The following FOXK1 variants were observed in gnomAD, a reference collection of about 807,000 sequenced individuals.
FOXK1 encodes the protein forkhead box protein K1.
FOXK1 carries 19 observed loss-of-function variants against 51.9 expected under a neutral mutation model. The ratio of observed to expected loss-of-function variants is 0.37; its 90% confidence interval spans 0.26 to 0.54. FOXK1 has a LOEUF of 0.54. Among genes scored for constraint, FOXK1 ranks in the 20% least tolerant of loss-of-function variants. The probability of loss-of-function intolerance (pLI) is 0.87; values close to 1 mark genes in which losing one functional copy is unlikely to be tolerated. For missense variants in FOXK1, 870 were observed against 1,032.7 expected (o/e 0.84, Z 2.16); for synonymous variants, 537 against 482.6 (o/e 1.11, Z -1.48).
chr7:4,688,464 T>G (rs1779848788), intron 1 of FOXK1, among the ~76,000 whole-genome samples: 2 of 151,838 alleles, frequency 1.3e-5, no homozygotes, highest in African/African-American at 2.4e-5. Context: ...GCAGTGGCAC[T>G]ATCTTGGCTC....
rs886286216 is a variant in FOXK1, at chr7:4,762,233, G to A, written c.1971G>A (p.Ala657=). The change falls in exon 9 of 9, where the codon GCG becomes GCA. Residue 657 remains alanine, a synonymous_variant. Transcript: ENST00000328914. The surrounding 1 kb of genome is among the most constrained non-coding windows in gnomAD (Gnocchi z 5.7). ...QLLATQASSS[A]PVVVTRVCEV... is the part of the protein sequence containing the mutation. ...TTGCGACCCAAGCGAGTTCATCCGC[G>A]CCGGTGGTGGTCACCCGGGTGTGCG... is the stretch of plus-strand genomic sequence containing the variant. 11 of 1,554,060 alleles carry A rather than the reference G, an allele frequency of 7.1e-6. No individual in the cohort carries two copies. In the East Asian group the frequency reaches 7.3e-5, roughly 10 times the overall value.
In FOXK1 at chr7:4,731,758, C is replaced by CAA. The variant is rs374959543; in HGVS notation, c.561-9062_561-9061dup. On this transcript the variant is annotated intron_variant, in intron 1 of 8. Coordinates refer to ENST00000328914, the MANE Select transcript of FOXK1 (RefSeq NM_001037165.2). This position sits in a 1 kb window ranked among gnomAD's most constrained non-coding sequence, Gnocchi z 5.3. ...TGGGCAACAAAGCGAAACTCTGCCTCAAAAAAAAAAAAAAAAAAAGAAAAC... is the reference window on the plus strand; with the variant it reads ...TGGGCAACAAAGCGAAACTCTGCCTCAAAAAAAAAAAAAAAAAAAAAGAAAAC... Among the ~76,000 whole-genome samples the CAA allele has an allele frequency of 5.8e-5, 4 of 68,640 alleles. No homozygotes were observed. Among genetic ancestry groups the CAA allele is most frequent in the Admixed American group, 1.4e-4 (1 of 7,124 alleles). 45.0% of individuals were successfully genotyped at this position (68,640 alleles called of 152,430 possible).
In FOXK1 at chr7:4,707,201, A is replaced by G. The variant is rs1365573323; in HGVS notation, c.560+24333A>G. On this transcript the variant is annotated intron_variant, in intron 1 of 8. Coordinates refer to ENST00000328914, the MANE Select transcript of FOXK1 (RefSeq NM_001037165.2). The surrounding 1 kb of genome is among the most constrained non-coding windows in gnomAD (Gnocchi z 4.1). ...CGGTGGACACAGACATTGCCCAAACACTAACGGAGAGGGAAGAGGTGCGGG... is the reference window on the plus strand; with the variant it reads ...CGGTGGACACAGACATTGCCCAAACGCTAACGGAGAGGGAAGAGGTGCGGG... Among the ~76,000 whole-genome samples the G allele has an allele frequency of 6.6e-6, 1 of 151,946 alleles. No individual in the cohort carries two copies. The highest frequency in any genetic ancestry group is 1.5e-5 in the Non-Finnish European group (1 of 67,996).
At chr7:4,737,552 C>CTGTGTGTGTGTGTG (rs146678822) in intron 1 of FOXK1, among the ~76,000 whole-genome samples, 71 of 148,874 alleles carry the variant, frequency 4.8e-4, no homozygotes, top group African/African-American at 1.7e-3. Context: ...GTGTGCGTGC[C>CTGTGTGTGTGTGTG]TGTGTGTGTG....
Position 4,749,060 on chromosome 7 carries a change from TTC to T in FOXK1, c.747-5391_747-5390del, listed in dbSNP as rs1330414799. Among the ~76,000 whole-genome samples, 1 of 152,188 alleles carries T rather than the reference TTC, an allele frequency of 6.6e-6. No homozygotes were observed. Among genetic ancestry groups the T allele is most frequent in the Non-Finnish European group, 1.5e-5 (1 of 68,016 alleles). ...GAGTCTCTCATGCCTCTCCTTTCCTTTCTCTCTCTACTTTCTGAGGGATTTTC... is the reference window on the plus strand; with the variant it reads ...GAGTCTCTCATGCCTCTCCTTTCCTTTCTCTCTACTTTCTGAGGGATTTTC... On this transcript the variant is annotated intron_variant, in intron 2 of 8. Coordinates refer to ENST00000328914, the MANE Select transcript of FOXK1 (RefSeq NM_001037165.2). The surrounding 1 kb of genome is among the most constrained non-coding windows in gnomAD (Gnocchi z 6.0).
chr7:4,716,747 T>G (rs1031705664), intron 1 of FOXK1, among the ~76,000 whole-genome samples: 3 of 152,220 alleles, frequency 2.0e-5, no homozygotes, highest in Non-Finnish European at 2.9e-5. Flanking sequence ...TGAGAGGGGC[T>G]GTGGGTGTCT....
intron 1 of FOXK1, among the ~76,000 whole-genome samples, chr7:4,705,991 T>TACGTATATAC (rs1780090908): frequency 4.0e-5 from 4 of 100,530 alleles, no homozygotes; most frequent in Admixed American, 1.8e-4. Flanking sequence ...TACGTATATA[T>TACGTATATAC]ACGTATATAT....
intron 2 of FOXK1, among the ~76,000 whole-genome samples, chr7:4,751,342 G>T (rs1336293277): frequency 6.6e-6 from 1 of 152,090 alleles, no homozygotes; most frequent in African/African-American, 2.4e-5. Flanking sequence ...ACCGTGCCCG[G>T]CCCAGCATTT....
At chr7:4,685,223 T>C (rs1168241850) in intron 1 of FOXK1, among the ~76,000 whole-genome samples, 1 of 27,004 alleles carries the variant, frequency 3.7e-5, no homozygotes. Context: ...GCTATTTGCT[T>C]TTTTTTTTTT....
In FOXK1 at chr7:4,707,049, C is replaced by CT. The variant is rs1475303131; in HGVS notation, c.560+24182dup. On this transcript the variant is annotated intron_variant, in intron 1 of 8. Transcript: ENST00000328914. This position sits in a 1 kb window ranked among gnomAD's most constrained non-coding sequence, Gnocchi z 4.1. Reference sequence around the variant, plus strand: ...TGCATTTTCTTCTTAAAATAAAAGACTAAAAACTAACGGTTGCTTCCTGCC... The same window carrying CT: ...TGCATTTTCTTCTTAAAATAAAAGACTTAAAAACTAACGGTTGCTTCCTGCC... Among the ~76,000 whole-genome samples, 2 of 152,244 alleles carry CT rather than the reference C, an allele frequency of 1.3e-5. No homozygotes were observed. Among genetic ancestry groups the CT allele is most frequent in the Non-Finnish European group, 2.9e-5 (2 of 68,040 alleles).
chr7:4,746,603 G>A (rs878875383), intron 2 of FOXK1, among the ~76,000 whole-genome samples: 3 of 152,196 alleles, frequency 2.0e-5, no homozygotes, highest in South Asian at 2.1e-4. Flanking sequence ...CAGGAGGATC[G>A]CTTGAGCCCA....
Position 4,753,413 on chromosome 7 carries a change from A to G in FOXK1, c.747-1046A>G, listed in dbSNP as rs927565979. On this transcript the variant is annotated intron_variant, in intron 2 of 8. Coordinates refer to ENST00000328914, the MANE Select transcript of FOXK1 (RefSeq NM_001037165.2). The surrounding 1 kb of genome is among the most constrained non-coding windows in gnomAD (Gnocchi z 4.9). ...GAATGGACCTTCTGGATGGTTCTGGATGGTTCTGGGTGGTTCTGGATGGTT... is the reference window on the plus strand; with the variant it reads ...GAATGGACCTTCTGGATGGTTCTGGGTGGTTCTGGGTGGTTCTGGATGGTT... Among the ~76,000 whole-genome samples the G allele has an allele frequency of 3.3e-5, 5 of 151,720 alleles. No individual in the cohort carries two copies. Among genetic ancestry groups the G allele is most frequent in the African/African-American group, 9.7e-5 (4 of 41,212 alleles).
rs957868998 is a variant in FOXK1, at chr7:4,734,226, G to A, written c.561-6612G>A. Among the ~76,000 whole-genome samples the A allele has an allele frequency of 3.9e-5, 6 of 152,206 alleles. No homozygotes were observed. The highest frequency in any genetic ancestry group is 1.2e-4 in the African/African-American group (5 of 41,452). ...GTGTGGGGTGACTCTATCTCAAGCC[G>A]TAGGCCTCCCAGACAGAGCCTCTGA... On this transcript the variant is annotated intron_variant, in intron 1 of 8. Coordinates refer to ENST00000328914, the MANE Select transcript of FOXK1 (RefSeq NM_001037165.2). The surrounding 1 kb of genome is among the most constrained non-coding windows in gnomAD (Gnocchi z 5.2).
rs1209206710 is a variant in FOXK1, at chr7:4,723,141, G to A, written c.561-17697G>A. ...TCACTCCAACGCCGTGGCTGTGAGC[G>A]GAGCCAGCTTCAAAGCACTGGGTCC... On this transcript the variant is annotated intron_variant, in intron 1 of 8. Transcript: ENST00000328914. This position sits in a 1 kb window ranked among gnomAD's most constrained non-coding sequence, Gnocchi z 4.7. Among the ~76,000 whole-genome samples, 2 of 151,664 alleles carry A rather than the reference G, an allele frequency of 1.3e-5. No homozygotes were observed. The highest frequency in any genetic ancestry group is 2.9e-5 in the Non-Finnish European group (2 of 67,954).
At chr7:4,708,110 A>G (rs1164486822) in intron 1 of FOXK1, among the ~76,000 whole-genome samples, 1 of 152,004 alleles carries the variant, frequency 6.6e-6, no homozygotes, top group Non-Finnish European at 1.5e-5. Context: ...CCCAGCCTGG[A>G]ACCCGCCCCG....
In FOXK1 at chr7:4,749,327, A is replaced by G. The variant is rs1780745615; in HGVS notation, c.747-5132A>G. ...TGTTTTGCACCATGTTCCACCTGGTAGAAGCTTCCTCAAACCACAGATGTG... is the reference window on the plus strand; with the variant it reads ...TGTTTTGCACCATGTTCCACCTGGTGGAAGCTTCCTCAAACCACAGATGTG... On this transcript the variant is annotated intron_variant, in intron 2 of 8. Transcript: ENST00000328914. The surrounding 1 kb of genome is among the most constrained non-coding windows in gnomAD (Gnocchi z 6.0). 6.6e-6 allele frequency among the ~76,000 whole-genome samples: 1 copy of G among 152,092 alleles called. No homozygotes were observed. Among genetic ancestry groups the G allele is most frequent in the Non-Finnish European group, 1.5e-5 (1 of 67,996 alleles).
intron 2 of FOXK1, 123 bp downstream of exon 2, chr7:4,741,146 G>C: frequency 1.5e-6 from 1 of 673,776 alleles, no homozygotes; most frequent in Non-Finnish European, 2.3e-6. Flanking sequence ...TGGAAATACA[G>C]AAAGTGTTGT....
At chr7:4,721,576 TTTTC>T (rs1379121179) in intron 1 of FOXK1, among the ~76,000 whole-genome samples, 1 of 141,832 alleles carries the variant, frequency 7.1e-6, no homozygotes, top group Non-Finnish European at 1.5e-5. Flanking sequence ...TCTCTTTTCT[TTTTC>T]TTTTTTTTCT....
Position 4,755,107 on chromosome 7 carries a change from C to A in FOXK1, c.904-130C>A. 1 of 1,145,978 alleles carries A rather than the reference C, an allele frequency of 8.7e-7. No homozygotes were observed. Among genetic ancestry groups the A allele is most frequent in the Non-Finnish European group, 1.2e-6 (1 of 815,780 alleles). 71.0% of individuals were successfully genotyped at this position (1,145,978 alleles called of 1,614,324 possible). ...GCACATTAATGGGATAGTTGGAGGGCACTGGGACGGGTGCCGGCAAGACGC... is the reference window on the plus strand; with the variant it reads ...GCACATTAATGGGATAGTTGGAGGGAACTGGGACGGGTGCCGGCAAGACGC... On this transcript the variant is annotated intron_variant, in intron 3 of 8. Coordinates refer to ENST00000328914, the MANE Select transcript of FOXK1 (RefSeq NM_001037165.2). This position sits in a 1 kb window ranked among gnomAD's most constrained non-coding sequence, Gnocchi z 6.6.
Sources: gnomAD v4.1 joint callset for allele counts (sites outside exome capture counted in the v4.1 genomes callset) on GRCh38, gnomAD v4.1.1 for gene constraint, Gnocchi (gnomAD v3.1) non-coding constraint, MANE v1.5 for transcripts, NCBI Gene and HGNC (gene_info 2026-07-23, HGNC 2026-07-21) for gene names.